The following DIP2C variants were observed in gnomAD, a reference collection of about 807,000 sequenced individuals.
The protein encoded by DIP2C is disco-interacting protein 2 homolog C.
Under a neutral mutation model 192.4 loss-of-function variants are expected in DIP2C, and 33 were observed. The ratio of observed to expected loss-of-function variants is 0.17; its 90% confidence interval spans 0.13 to 0.23. The LOEUF (loss-of-function observed/expected upper bound fraction) is 0.23. Ranked by LOEUF, DIP2C falls within the 10% of genes least tolerant of loss-of-function variation. The pLI, the probability that DIP2C is intolerant of heterozygous loss-of-function variation, is 1.00. For synonymous variants in DIP2C, 979 were observed against 864.1 expected (o/e 1.13, Z -2.33); for missense variants, 1,537 against 2,110.1 (o/e 0.73, Z 5.32).
chr10:468,300 A>G (rs1970383794), intron 3 of DIP2C, among the ~76,000 whole-genome samples: 1 of 152,144 alleles, frequency 6.6e-6, no homozygotes, highest in Non-Finnish European at 1.5e-5. Context: ...AAGGAAACCC[A>G]GTAATGACCC....
rs1965357800 is a variant in DIP2C at position 413,900 on chromosome 10, G to A, written c.1057+13C>T. 6.2e-7 allele frequency: 1 copy of A among 1,612,302 alleles called. No homozygotes were observed. Among genetic ancestry groups the A allele is most frequent in the Non-Finnish European group, 8.5e-7 (1 of 1,179,004 alleles). Reference sequence around the variant, plus strand: ...GGGGTGGGCAAAGGGCAGAGAGTGAGCCTGGGGATTACCGTAAGTGAGGAT... The same window carrying A: ...GGGGTGGGCAAAGGGCAGAGAGTGAACCTGGGGATTACCGTAAGTGAGGAT... On this transcript the variant is annotated intron_variant, in intron 8 of 36. Transcript: ENST00000280886.
chr10:401,808 C>T (rs201820556), intron 9 of DIP2C, among the ~76,000 whole-genome samples: 990 of 100,372 alleles, frequency 9.9e-3, no homozygotes, highest in South Asian at 0.014. Context: ...TTTTCATCAG[C>T]ACATGAATCC....
intron 32 of DIP2C, among the ~76,000 whole-genome samples, chr10:292,424 G>A (rs980454701): frequency 2.6e-5 from 4 of 152,192 alleles, no homozygotes; most frequent in Admixed American, 6.5e-5. Flanking sequence ...TTCATCCTAC[G>A]CTGTCAAGTG....
chr10:448,220 CGT>C (rs1968466642), intron 3 of DIP2C, among the ~76,000 whole-genome samples: 1 of 126,386 alleles, frequency 7.9e-6, no homozygotes, highest in Admixed American at 7.3e-5. Context: ...CACTCATTCC[CGT>C]CAATAATCAG....
At chr10:355,664 T>TG (rs1959046999) in intron 24 of DIP2C, among the ~76,000 whole-genome samples, 1 of 152,238 alleles carries the variant, frequency 6.6e-6, no homozygotes, top group Non-Finnish European at 1.5e-5. Flanking sequence ...AGTACTACGG[T>TG]GGAACAATAT....
chr10:513,352 G>A (rs1024845007), intron 1 of DIP2C, among the ~76,000 whole-genome samples: 150 of 152,354 alleles, frequency 9.8e-4, no homozygotes, highest in Non-Finnish European at 5.3e-4. Flanking sequence ...TAAGCCAGAT[G>A]ATCAGTTTTT....
chr10:399,408 CGT>C (rs1964239538), intron 9 of DIP2C, among the ~76,000 whole-genome samples, 189 bp from the exon 10 acceptor site: 1 of 152,192 alleles, frequency 6.6e-6, no homozygotes, highest in African/African-American at 2.4e-5. Context: ...AGAAGACAAA[CGT>C]GAACAGTCGT....
chr10:420,358 G>A (rs1312097238), intron 5 of DIP2C, among the ~76,000 whole-genome samples: 3 of 152,228 alleles, frequency 2.0e-5, no homozygotes, highest in Non-Finnish European at 4.4e-5. Context: ...TGTCAGTCCG[G>A]TGTCACAAGT....
intron 26 of DIP2C, among the ~76,000 whole-genome samples, chr10:347,804 C>T (rs1253837205): frequency 1.3e-5 from 2 of 149,822 alleles, no homozygotes; most frequent in Non-Finnish European, 3.0e-5. Flanking sequence ...AAACCCCACA[C>T]TCACCCAGAC....
chr10:594,617 G>T (rs921129642), intron 1 of DIP2C, among the ~76,000 whole-genome samples: 1 of 152,024 alleles, frequency 6.6e-6, no homozygotes, highest in Non-Finnish European at 1.5e-5. Context: ...CCATTTCAAC[G>T]TAAGGGAACT....
chr10:421,597 T>C (rs1449680561), intron 5 of DIP2C, among the ~76,000 whole-genome samples: 2 of 152,236 alleles, frequency 1.3e-5, no homozygotes, highest in Admixed American at 1.3e-4. Context: ...TTAATTCACA[T>C]AAACCAGTGT....
At chr10:634,437 T>TA (rs1854712867) in intron 1 of DIP2C, among the ~76,000 whole-genome samples, 1 of 152,198 alleles carries the variant, frequency 6.6e-6, no homozygotes, top group Non-Finnish European at 1.5e-5. Context: ...TGGTTTCAGG[T>TA]TGCTATGCTT....
At chr10:321,594 G>A (rs1423414416) in intron 31 of DIP2C, among the ~76,000 whole-genome samples, 1 of 145,218 alleles carries the variant, frequency 6.9e-6, no homozygotes, top group Non-Finnish European at 1.5e-5. Context: ...GCTCCAGCGA[G>A]AGACCGGCGC....
intron 1 of DIP2C, among the ~76,000 whole-genome samples, chr10:653,757 G>A (rs923482816): frequency 6.6e-6 from 1 of 152,174 alleles, no homozygotes; most frequent in African/African-American, 2.4e-5. Context: ...CCTAACCTCC[G>A]AGGACTCAGC....
chr10:624,966 G>A (rs1304845541), intron 1 of DIP2C, among the ~76,000 whole-genome samples: 1 of 152,234 alleles, frequency 6.6e-6, no homozygotes, highest in East Asian at 1.9e-4. Flanking sequence ...TGCACCCACA[G>A]CTGCAGGCCT....
chr10:334,712 ACT>A (rs1268662729), intron 29 of DIP2C, among the ~76,000 whole-genome samples: 7 of 152,114 alleles, frequency 4.6e-5, no homozygotes, highest in Admixed American at 3.3e-4. Context: ...TGCTCGGGTA[ACT>A]CTATTAAAAA....
At chr10:670,337 C>T (rs533305639) in intron 1 of DIP2C, among the ~76,000 whole-genome samples, 23 of 152,216 alleles carry the variant, frequency 1.5e-4, no homozygotes, top group East Asian at 5.8e-4. Flanking sequence ...CACATGCGCA[C>T]GCGTACATGC....
At chr10:569,620 C>CA (rs1849659534) in intron 1 of DIP2C, among the ~76,000 whole-genome samples, 1 of 151,908 alleles carries the variant, frequency 6.6e-6, no homozygotes, top group Non-Finnish European at 1.5e-5. Flanking sequence ...AAAGCAAAAA[C>CA]AAAACAAATA....
intron 1 of DIP2C, among the ~76,000 whole-genome samples, chr10:535,343 A>G (rs1847640604): frequency 6.6e-6 from 1 of 150,992 alleles, no homozygotes; most frequent in African/African-American, 2.4e-5. Context: ...ATGCTGTGCT[A>G]ACTCTCATCT....
Sources: gnomAD v4.1 joint callset for allele counts (sites outside exome capture counted in the v4.1 genomes callset) on GRCh38, gnomAD v4.1.1 for gene constraint, MANE v1.5 for transcripts, NCBI Gene and HGNC (gene_info 2026-07-23, HGNC 2026-07-21) for gene names.